Variants in SLC35D4 observed in about 807,000 individuals in gnomAD.
SLC35D4 encodes solute carrier family 35 member D4, also known as UDP-N-acetylglucosamine transporter SLC35D4.
At chr18:23,370,299 T>C in the SLC35D4 span, 1 of 1,606,404 alleles carries the variant, frequency 6.2e-7, no homozygotes. Flanking sequence ...GTCATGGTAT[T>C]CTGCTCAAGG....
the SLC35D4 span, among the ~76,000 whole-genome samples, chr18:23,353,807 G>A: frequency 7.2e-5 from 11 of 152,080 alleles, no homozygotes; most frequent in African/African-American, 4.8e-5. Flanking sequence ...ACTGACCCTC[G>A]TAACCTTAAC....
chr18:23,326,704 A>G, the SLC35D4 span, among the ~76,000 whole-genome samples: 2 of 152,228 alleles, frequency 1.3e-5, no homozygotes, highest in East Asian at 1.9e-4. Flanking sequence ...AAGCAGACCT[A>G]ATAGACATCT....
At chr18:23,304,359 A>ATT in the SLC35D4 span, among the ~76,000 whole-genome samples, 9 of 143,722 alleles carry the variant, frequency 6.3e-5, no homozygotes, top group African/African-American at 1.0e-4. Flanking sequence ...AGTCTCAAGA[A>ATT]TTTATATATA....
chr18:23,270,753 G>A, the SLC35D4 span, among the ~76,000 whole-genome samples: 1 of 152,236 alleles, frequency 6.6e-6, no homozygotes, highest in Non-Finnish European at 1.5e-5. Context: ...AGCCGGCTCT[G>A]TGTAAATTAC....
chr18:23,298,109 AC>A, the SLC35D4 span: 4 of 1,612,088 alleles, frequency 2.5e-6, no homozygotes, highest in South Asian at 3.3e-5. Flanking sequence ...CTCCCCCGGG[AC>A]CCCTGAGCTG....
At chr18:23,372,831 C>T in the SLC35D4 span, among the ~76,000 whole-genome samples, 1 of 151,984 alleles carries the variant, frequency 6.6e-6, no homozygotes, top group Admixed American at 6.6e-5. Flanking sequence ...ATTAATTTTC[C>T]TCTTTGTGTC....
the SLC35D4 span, chr18:23,377,590 T>C: frequency 6.5e-7 from 1 of 1,528,720 alleles, no homozygotes; most frequent in South Asian, 1.3e-5. Flanking sequence ...TCATTCAAGT[T>C]AAAAATAGGT....
chr18:23,278,246 G>C, the SLC35D4 span, among the ~76,000 whole-genome samples: 11 of 152,280 alleles, frequency 7.2e-5, no homozygotes, highest in East Asian at 1.5e-3. Context: ...AGTACAGAAG[G>C]CTGAACCCTC....
the SLC35D4 span, among the ~76,000 whole-genome samples, chr18:23,425,196 G>T: frequency 6.6e-6 from 1 of 152,146 alleles, no homozygotes; most frequent in Non-Finnish European, 1.5e-5. Context: ...CACTTCCTGG[G>T]TTCAAGCAAT....
the SLC35D4 span, among the ~76,000 whole-genome samples, chr18:23,328,583 T>C: frequency 6.6e-6 from 1 of 152,198 alleles, no homozygotes; most frequent in East Asian, 1.9e-4. Flanking sequence ...GAATATTCCA[T>C]GCTCATGGAT....
the SLC35D4 span, among the ~76,000 whole-genome samples, chr18:23,363,252 CAAAAA>C: frequency 5.6e-5 from 6 of 107,950 alleles, no homozygotes; most frequent in Non-Finnish European, 5.8e-5. Context: ...GACTCTGTCT[CAAAAA>C]AAAAAAAAAA....
At chr18:23,256,599 A>G in the SLC35D4 span, among the ~76,000 whole-genome samples, 6 of 151,574 alleles carry the variant, frequency 4.0e-5, no homozygotes, top group African/African-American at 1.2e-4. Flanking sequence ...TCCTGCTTCA[A>G]CCTCCCGAGG....
the SLC35D4 span, chr18:23,385,138 T>TA: frequency 6.8e-7 from 1 of 1,479,514 alleles, no homozygotes; most frequent in East Asian, 2.4e-5. Context: ...TCTTGATTTT[T>TA]TGCTTAAAAA....
the SLC35D4 span, among the ~76,000 whole-genome samples, chr18:23,390,525 C>T: frequency 9.2e-5 from 14 of 152,270 alleles, no homozygotes; most frequent in Admixed American, 2.6e-4. Flanking sequence ...ATCCATGCAC[C>T]GTTGAAATTT....
chr18:23,330,422 GT>G, the SLC35D4 span, among the ~76,000 whole-genome samples: 2 of 151,842 alleles, frequency 1.3e-5, no homozygotes, highest in Non-Finnish European at 2.9e-5. Context: ...GGTTTCTAAG[GT>G]TTTTTTTCTA....
the SLC35D4 span, among the ~76,000 whole-genome samples, chr18:23,425,854 A>G: frequency 6.6e-6 from 1 of 152,252 alleles, no homozygotes; most frequent in East Asian, 1.9e-4. Flanking sequence ...AGGCTAGTAT[A>G]AATTAGTTAA....
At chr18:23,307,928 G>T in the SLC35D4 span, among the ~76,000 whole-genome samples, 1 of 152,154 alleles carries the variant, frequency 6.6e-6, no homozygotes, top group Non-Finnish European at 1.5e-5. Flanking sequence ...TCCTTCTGAA[G>T]AGCCTGCCTG....
At chr18:23,360,803 C>T in the SLC35D4 span, among the ~76,000 whole-genome samples, 1 of 151,798 alleles carries the variant, frequency 6.6e-6, no homozygotes, top group African/African-American at 2.4e-5. Flanking sequence ...AACTAAGATA[C>T]AGGTAATAAA....
At chr18:23,371,996 C>T in the SLC35D4 span, among the ~76,000 whole-genome samples, 1 of 114,810 alleles carries the variant, frequency 8.7e-6, no homozygotes, top group Admixed American at 1.1e-4. Flanking sequence ...AGTGCAGTGG[C>T]GGGATCTCGG....
Sources: gnomAD v4.1 joint callset for allele counts (sites outside exome capture counted in the v4.1 genomes callset) on GRCh38, gnomAD v4.1.1 for gene constraint, MANE v1.5 for transcripts, NCBI Gene and HGNC (gene_info 2026-07-23, HGNC 2026-07-21) for gene names.